RPTOR: variants seen among roughly 807,000 people sequenced by gnomAD.
RPTOR encodes regulatory-associated protein of mTOR.
A neutral mutation model predicts 169.9 loss-of-function variants in RPTOR; 21 were observed. The observed-to-expected ratio is 0.12, with a 90% confidence interval of 0.09 to 0.18. The LOEUF (loss-of-function observed/expected upper bound fraction) is 0.18, where lower values mean the gene tolerates loss of function less well. RPTOR is among the 10% of genes least tolerant of loss of function. The pLI is 1.00. For synonymous variants in RPTOR, 732 were observed against 753.2 expected (o/e 0.97, Z 0.46); for missense variants, 1,133 against 1,855.9 (o/e 0.61, Z 7.16).
At chr17:80,943,848 C>T (rs1201586387) in intron 25 of RPTOR, among the ~76,000 whole-genome samples, 1 of 122,120 alleles carries the variant, frequency 8.2e-6, no homozygotes, top group Non-Finnish European at 1.7e-5. Context: ...GGCGGTGTCT[C>T]TCTGCACCAC....
intron 5 of RPTOR, among the ~76,000 whole-genome samples, chr17:80,745,883 C>T (rs1230795813): frequency 6.6e-6 from 1 of 152,130 alleles, no homozygotes; most frequent in Non-Finnish European, 1.5e-5. Context: ...AATGTGAGGC[C>T]GGGCGCGGTG....
Position 80,659,902 on chromosome 17 carries a change from C to G in RPTOR, c.348+16092C>G, listed in dbSNP as rs1043414402. Among the ~76,000 whole-genome samples the G allele has an allele frequency of 1.3e-5, 2 of 152,216 alleles. No homozygotes were observed. Among genetic ancestry groups the G allele is most frequent in the Non-Finnish European group, 2.9e-5 (2 of 68,032 alleles). On this transcript the variant is annotated intron_variant, in intron 3 of 33. Coordinates refer to ENST00000306801, the MANE Select transcript of RPTOR (RefSeq NM_020761.3). The surrounding 1 kb of genome is among the most constrained non-coding windows in gnomAD (Gnocchi z 4.3). ...GGCTTAAGCAATCCTCCTGCCTTGG[C>G]CTCCCAAAGTGCTGGGATTTGAGCA...
chr17:80,643,839 T>A (rs1371169314), intron 3 of RPTOR, 29 bp downstream of exon 3: 3 of 1,552,492 alleles, frequency 1.9e-6, no homozygotes, highest in Non-Finnish European at 2.7e-6. Flanking sequence ...CTCTTCCCTT[T>A]CCTTCTTACA....
chr17:80,587,828 T>G (rs1206652671), intron 1 of RPTOR, among the ~76,000 whole-genome samples: 1 of 152,078 alleles, frequency 6.6e-6, no homozygotes, highest in Non-Finnish European at 1.5e-5. Context: ...TTTTAAAATA[T>G]ATAGTGTTAT....
chr17:80,668,445 G>A (rs566592836), intron 3 of RPTOR, among the ~76,000 whole-genome samples: 37 of 152,250 alleles, frequency 2.4e-4, no homozygotes, highest in Admixed American at 1.4e-3. Context: ...GGAGGTCTTC[G>A]CGCCCTGTCC....
chr17:80,691,910 C>G (rs1449519936), intron 3 of RPTOR, among the ~76,000 whole-genome samples: 1 of 152,198 alleles, frequency 6.6e-6, no homozygotes, highest in Admixed American at 6.5e-5. Context: ...TGCTTCTTTC[C>G]ACATGGAGTG....
At chr17:80,631,945 C>A (rs541794904) in intron 2 of RPTOR, among the ~76,000 whole-genome samples, 1 of 152,194 alleles carries the variant, frequency 6.6e-6, no homozygotes, top group Admixed American at 6.5e-5. Flanking sequence ...TCTCAAAAAA[C>A]CCCAAATTCT....
chr17:80,959,301 C>T lies in RPTOR; in HGVS notation c.3478-777C>T, dbSNP rs188846628. On this transcript the variant is annotated intron_variant, in intron 29 of 33. Coordinates refer to ENST00000306801, the MANE Select transcript of RPTOR (RefSeq NM_020761.3). The surrounding 1 kb of genome is among the most constrained non-coding windows in gnomAD (Gnocchi z 6.7). ...CAGGGCACAGCGTGGACACCCTGATCCTCAGGGTCTGGTCACCAGTGGGGG... is the reference window on the plus strand; with the variant it reads ...CAGGGCACAGCGTGGACACCCTGATTCTCAGGGTCTGGTCACCAGTGGGGG... 2.3e-3 allele frequency among the ~76,000 whole-genome samples: 351 copies of T among 152,296 alleles called. 3 individuals are homozygous for T. The highest frequency in any genetic ancestry group is 4.1e-3 in the Non-Finnish European group (278 of 68,014).
chr17:80,955,619 A>T (rs1187168699), intron 28 of RPTOR, among the ~76,000 whole-genome samples: 1 of 152,234 alleles, frequency 6.6e-6, no homozygotes, highest in Non-Finnish European at 1.5e-5. Flanking sequence ...ATAAGAAAAG[A>T]TATTTGCAGT....
intron 6 of RPTOR, among the ~76,000 whole-genome samples, chr17:80,764,700 T>C (rs1372536394): frequency 1.3e-5 from 2 of 152,164 alleles, no homozygotes; most frequent in South Asian, 2.1e-4. Flanking sequence ...CTGGGTCAAA[T>C]GGTATTTCTA....
rs531716934 is a variant in RPTOR, at chr17:80,917,431, A to C, written c.2521-5293A>C. On this transcript the variant is annotated intron_variant, in intron 21 of 33. Coordinates refer to ENST00000306801, the MANE Select transcript of RPTOR (RefSeq NM_020761.3). ...ACCCGGCCATGGATACATTTCTTTT[A>C]AAATCACATTGTCATGCCAGAATTT... 5.6e-3 allele frequency among the ~76,000 whole-genome samples: 855 copies of C among 152,196 alleles called. 6 individuals are homozygous for C. The highest frequency in any genetic ancestry group is 0.019 in the African/African-American group (798 of 41,526).
rs2143556881 is a variant in RPTOR, at chr17:80,633,185, A to G, written c.265+7392A>G. 6.6e-6 allele frequency among the ~76,000 whole-genome samples: 1 copy of G among 152,376 alleles called. No individual in the cohort carries two copies. The highest frequency in any genetic ancestry group is 1.5e-5 in the Non-Finnish European group (1 of 68,032). ...CTGATTCTCTGAGAGAAGGCGGCTG[A>G]CATGGTGCTTCAGCACCTCTGAATT... On this transcript the variant is annotated intron_variant, in intron 2 of 33. Coordinates refer to ENST00000306801, the MANE Select transcript of RPTOR (RefSeq NM_020761.3). The surrounding 1 kb of genome is among the most constrained non-coding windows in gnomAD (Gnocchi z 4.1).
Position 80,893,732 on chromosome 17 carries a change from C to T in RPTOR, c.2268C>T (p.Pro756=), listed in dbSNP as rs767092097. ...CTGGTGGCGCGGTGGCGTTCTCCCC[C>T]GGAAACCTCAGCACCAGCAGCAGCG... ...EESGGAVAFS[P]GNLSTSSSAS... The change falls in exon 20 of 34, where the codon CCC becomes CCT. Residue 756 remains proline (P), a synonymous_variant. Transcript: ENST00000306801. The T allele has an allele frequency of 3.7e-5, 60 of 1,609,714 alleles. No homozygotes were observed. The highest frequency in any genetic ancestry group is 1.6e-4 in the Middle Eastern group (1 of 6,068).
intron 9 of RPTOR, among the ~76,000 whole-genome samples, chr17:80,830,686 A>C (rs553429182): frequency 1.3e-3 from 193 of 151,892 alleles, no homozygotes; most frequent in African/African-American, 4.5e-3. Context: ...AGTTGAGGTG[A>C]GATCGCAGGT....
intron 17 of RPTOR, among the ~76,000 whole-genome samples, chr17:80,891,376 TAAGC>T (rs1263717487): frequency 2.6e-5 from 4 of 152,212 alleles, no homozygotes. Flanking sequence ...GTGGTCACCG[TAAGC>T]GAGAGGCTGT....
At chr17:80,961,243 G>A in intron 30 of RPTOR, 151 bp from the exon 31 acceptor site, 1 of 665,290 alleles carries the variant, frequency 1.5e-6, no homozygotes, top group Non-Finnish European at 2.5e-6. Flanking sequence ...CTCTGACCCT[G>A]CGTGAGCACT....
intron 1 of RPTOR, among the ~76,000 whole-genome samples, chr17:80,615,199 G>C (rs184226589): frequency 2.0e-5 from 3 of 152,328 alleles, no homozygotes; most frequent in Non-Finnish European, 4.4e-5. Context: ...GGGGGCTTCT[G>C]TAGCTGCTGA....
chr17:80,567,749 G>A (rs964439423), intron 1 of RPTOR, among the ~76,000 whole-genome samples: 6 of 151,332 alleles, frequency 4.0e-5, no homozygotes, highest in Non-Finnish European at 5.9e-5. Flanking sequence ...CCGAGATCGC[G>A]CCACTGCCCT....
At chr17:80,938,003 G>A (rs2068975529) in intron 24 of RPTOR, among the ~76,000 whole-genome samples, 1 of 152,224 alleles carries the variant, frequency 6.6e-6, no homozygotes, top group Non-Finnish European at 1.5e-5. Flanking sequence ...AGCCCAGCAA[G>A]GGCTGTAAAG....
Sources: gnomAD v4.1 joint callset for allele counts (sites outside exome capture counted in the v4.1 genomes callset) on GRCh38, gnomAD v4.1.1 for gene constraint, Gnocchi (gnomAD v3.1) non-coding constraint, MANE v1.5 for transcripts, NCBI Gene and HGNC (gene_info 2026-07-23, HGNC 2026-07-21) for gene names.